FER: variants seen among roughly 807,000 people sequenced by gnomAD.
The protein encoded by FER is tyrosine-protein kinase Fer.
FER carries 63 observed loss-of-function variants against 111.0 expected under a neutral mutation model. The ratio of observed to expected loss-of-function variants is 0.57; its 90% CI spans 0.46 to 0.70. The LOEUF is 0.70. FER is among the 30% of genes least tolerant of loss of function. FER has a pLI of 0.00. For missense variants in FER, 914 were observed against 954.0 expected, an observed-to-expected ratio of 0.96 and a Z score of 0.55; for synonymous variants, 327 against 313.9, an observed-to-expected ratio of 1.04 and a Z score of -0.44.
intron 16 of FER, among the ~76,000 whole-genome samples, chr5:109,087,198 C>G (rs1164581841): frequency 6.6e-6 from 1 of 151,404 alleles, no homozygotes; most frequent in Non-Finnish European, 1.5e-5. Context: ...TTCTTGAAAC[C>G]TCTTTGTTAT....
At chr5:108,877,018 C>T (rs528741158) in intron 8 of FER, among the ~76,000 whole-genome samples, 53 of 152,164 alleles carry the variant, frequency 3.5e-4, no homozygotes, top group Admixed American at 2.4e-3. Flanking sequence ...GTGGCAAAGT[C>T]TAAAATATTT....
chr5:109,014,211 T>G (rs932240567), intron 13 of FER, among the ~76,000 whole-genome samples: 4 of 151,968 alleles, frequency 2.6e-5, no homozygotes, highest in Non-Finnish European at 5.9e-5. Flanking sequence ...TTTTTATGGT[T>G]TTAGGTCTAA....
intron 1 of FER, among the ~76,000 whole-genome samples, chr5:108,757,989 A>G (rs1422993564): frequency 6.6e-6 from 1 of 152,204 alleles, no homozygotes; most frequent in Non-Finnish European, 1.5e-5. Flanking sequence ...GCTTGGAGAT[A>G]CTTGCTATTA....
chr5:109,102,991 T>C (rs1748441339), intron 17 of FER, among the ~76,000 whole-genome samples: 1 of 152,114 alleles, frequency 6.6e-6, no homozygotes. Context: ...TATGTGTTTT[T>C]GCTCCTAAGA....
chr5:108,890,932 G>T (rs1244520467), intron 9 of FER, among the ~76,000 whole-genome samples: 1 of 152,070 alleles, frequency 6.6e-6, no homozygotes, highest in East Asian at 1.9e-4. Context: ...GTTGCTAATT[G>T]TATGGTAATT....
At chr5:108,961,912 A>C (rs1331191882) in intron 13 of FER, among the ~76,000 whole-genome samples, 1 of 152,178 alleles carries the variant, frequency 6.6e-6, no homozygotes, top group Non-Finnish European at 1.5e-5. Flanking sequence ...AAAATATTTA[A>C]TTTCTGTCTT....
intron 16 of FER, among the ~76,000 whole-genome samples, chr5:109,080,328 G>A (rs1776845213): frequency 6.6e-6 from 1 of 151,994 alleles, no homozygotes; most frequent in Admixed American, 6.6e-5. Flanking sequence ...TGTGCTTTCT[G>A]GGAAGTGATG....
chr5:109,183,661 A>G (rs1434619488), intron 18 of FER, among the ~76,000 whole-genome samples: 1 of 152,144 alleles, frequency 6.6e-6, no homozygotes, highest in Non-Finnish European at 1.5e-5. Flanking sequence ...GGTGGATGAA[A>G]GAAACCTCCA....
intron 16 of FER, among the ~76,000 whole-genome samples, chr5:109,095,236 C>G (rs1253872050): frequency 1.3e-5 from 2 of 152,072 alleles, no homozygotes; most frequent in Admixed American, 6.6e-5. Context: ...ACTTGGGTAG[C>G]AAGCTGTTCA....
chr5:109,149,712 C>T (rs570918568), intron 17 of FER, among the ~76,000 whole-genome samples: 20 of 152,086 alleles, frequency 1.3e-4, no homozygotes, highest in South Asian at 4.1e-4. Context: ...TATGGAAACA[C>T]GCTTATAAGA....
In FER at chr5:108,883,482, TTGAAGAATCTTC is replaced by T; in HGVS notation, c.1015_1026del (p.Glu339_Glu342del). The T allele has an allele frequency of 6.2e-7, 1 of 1,606,886 alleles. No homozygotes were observed. The highest frequency in any genetic ancestry group is 8.5e-7 in the Non-Finnish European group (1 of 1,175,474). ...GCTGTTTTGGAGTTAGAGAAGAGAA[TTGAAGAATCTTC>T]TGAAACTTGTGAGAAGAAGTCTGAG... On this transcript the variant is annotated inframe_deletion, in exon 9 of 20. Coordinates refer to ENST00000281092, the MANE Select transcript of FER (RefSeq NM_005246.4).
Position 108,832,854 on chromosome 5 carries a change from C to T in FER, c.292C>T (p.His98Tyr). 6.2e-7 allele frequency: 1 copy of T among 1,607,854 alleles called. No homozygotes were observed. The highest frequency in any genetic ancestry group is 8.5e-7 in the Non-Finnish European group (1 of 1,176,794). ...AGAGGACTTGAACTCTGGACCTTTA[C>T]ACAGGCTCACCATGATGATTAAGGA... ...HAEDLNSGPL[H>Y]RLTMMIKDKQ... The change falls in exon 4 of 20, where the codon CAC (histidine) becomes TAC (tyrosine). Residue 98 changes from histidine to tyrosine, a missense_variant. Coordinates refer to ENST00000281092, the MANE Select transcript of FER (RefSeq NM_005246.4).
Position 109,186,596 on chromosome 5 carries a change from G to C in FER, c.2326+274G>C, listed in dbSNP as rs982409763. 1.1e-4 allele frequency among the ~76,000 whole-genome samples: 16 copies of C among 152,274 alleles called. No individual in the cohort carries two copies. In the East Asian group the frequency reaches 3.1e-3, roughly 29 times the overall value. On this transcript the variant is annotated intron_variant, in intron 19 of 19. Transcript: ENST00000281092. ...GGATTGTGCTGTTCACTGTCGTTAAGAGAAATAGGGTGGTGTTTCTCAAAC... is the reference window on the plus strand; with the variant it reads ...GGATTGTGCTGTTCACTGTCGTTAACAGAAATAGGGTGGTGTTTCTCAAAC...
chr5:108,988,775 G>A (rs1179080615), intron 13 of FER, among the ~76,000 whole-genome samples: 3 of 151,934 alleles, frequency 2.0e-5, no homozygotes, highest in Non-Finnish European at 4.4e-5. Flanking sequence ...TGGTTTTGGT[G>A]TTATTTGTTT....
rs1189458603 is a variant in FER, at chr5:108,914,973, A to G, written c.1236+17125A>G. On this transcript the variant is annotated intron_variant, in intron 10 of 19. Transcript: ENST00000281092. ...GGTGGCTACAGGGTTTAGCAAGGAC[A>G]AGGAGGATATGGGTTAGGCATGTAA... Among the ~76,000 whole-genome samples the G allele has an allele frequency of 2.0e-5, 3 of 152,194 alleles. No homozygotes were observed. The South Asian group carries it at 6.2e-4, about 31-fold the overall frequency.
intron 3 of FER, among the ~76,000 whole-genome samples, chr5:108,822,575 T>C (rs1758967052): frequency 6.6e-6 from 1 of 152,086 alleles, no homozygotes; most frequent in South Asian, 2.1e-4. Context: ...GCTAATCTAG[T>C]CTTGCCAGAG....
chr5:109,045,299 TTATA>T (rs1216775995), intron 15 of FER, among the ~76,000 whole-genome samples: 5 of 109,104 alleles, frequency 4.6e-5, no homozygotes, highest in African/African-American at 1.1e-4. Context: ...ATTATATACA[TTATA>T]TATATACATT....
In FER at chr5:108,871,522, C is replaced by T; in HGVS notation, c.803+20C>T. ...TCACAGGTATGACATGTTTATTCCT[C>T]TTTAAGGATTTATGACAGTATTATT... On this transcript the variant is annotated intron_variant, in intron 7 of 19. Coordinates refer to ENST00000281092, the MANE Select transcript of FER (RefSeq NM_005246.4). 1.3e-6 allele frequency: 2 copies of T among 1,556,940 alleles called. No homozygotes were observed. Among genetic ancestry groups the T allele is most frequent in the Non-Finnish European group, 1.7e-6 (2 of 1,145,776 alleles).
At chr5:108,760,854 T>A (rs1417304343) in intron 1 of FER, among the ~76,000 whole-genome samples, 1 of 152,224 alleles carries the variant, frequency 6.6e-6, no homozygotes, top group East Asian at 1.9e-4. Flanking sequence ...CACTTTTAAT[T>A]TTCTTCAATA....
Sources: allele counts gnomAD v4.1 joint callset (sites outside exome capture counted in the v4.1 genomes callset), GRCh38; gene constraint gnomAD v4.1.1; transcripts MANE v1.5; gene names NCBI Gene and HGNC (gene_info 2026-07-23, HGNC 2026-07-21).